The following ALX1 variants were observed in gnomAD, a reference collection of about 807,000 sequenced individuals.
The protein encoded by ALX1 is ALX homeobox protein 1.
Under a neutral mutation model 31.7 loss-of-function variants are expected in ALX1, and 19 were observed. That is an observed-to-expected ratio of 0.60 (90% CI 0.42 to 0.88). The LOEUF (loss-of-function observed/expected upper bound fraction) is 0.88, where lower values mean the gene tolerates loss of function less well. Among genes scored for constraint, ALX1 ranks in the 40% least tolerant of loss-of-function variants. ALX1 has a pLI of 0.00. For missense variants in ALX1, 415 were observed against 407.8 expected (o/e 1.02, Z -0.15); for synonymous variants, 153 against 148.8 (o/e 1.03, Z -0.20).
chr12:85,289,666 G>A (rs1405869949), intron 3 of ALX1, among the ~76,000 whole-genome samples: 2 of 151,140 alleles, frequency 1.3e-5, no homozygotes, highest in Non-Finnish European at 1.5e-5. Context: ...GTACTTTCTT[G>A]TATTGGTAAA....
At chr12:85,284,001 A>G (rs1896715467) in intron 2 of ALX1, 125 bp downstream of exon 2, 2 of 1,015,390 alleles carry the variant, frequency 2.0e-6, no homozygotes, top group Non-Finnish European at 2.9e-6. Flanking sequence ...GAAACGGAGT[A>G]ATATATATGA....
intron 3 of ALX1, among the ~76,000 whole-genome samples, chr12:85,298,623 A>G (rs1165510924): frequency 6.6e-6 from 1 of 151,750 alleles, no homozygotes; most frequent in Non-Finnish European, 1.5e-5. Context: ...TTTGAAAACA[A>G]GATAGATCAG....
chr12:85,298,836 G>A (rs1896922669), intron 3 of ALX1, among the ~76,000 whole-genome samples: 1 of 151,640 alleles, frequency 6.6e-6, no homozygotes. Flanking sequence ...CAGATAAGAA[G>A]TTTTGATCAA....
intron 3 of ALX1, among the ~76,000 whole-genome samples, chr12:85,289,705 C>T (rs548603413): frequency 3.8e-4 from 57 of 151,114 alleles, no homozygotes; most frequent in Non-Finnish European, 5.5e-4. Flanking sequence ...CCAAAATTTC[C>T]GAAATTATGT....
At position 85,280,431 on chromosome 12, in the gene ALX1, C is replaced by T. The variant is rs1447780227; in HGVS notation, c.170C>T (p.Pro57Leu). 3 of 1,612,470 alleles carry T rather than the reference C, an allele frequency of 1.9e-6. No individual in the cohort carries two copies. Among genetic ancestry groups the T allele is most frequent in the South Asian group, 1.1e-5 (1 of 91,026 alleles). Residue 57 changes from proline to leucine, a missense_variant, in exon 1 of 4, where the codon CCC becomes CTC. Pro to Leu is a moderately conservative substitution (Grantham distance 98). This residue lies in a region of ALX1 where 235 missense variants were observed against 208.9 expected (regional missense o/e 1.13). Transcript: ENST00000316824. ...GKCVQAFGPLPRAEHHVRLER... is the reference protein window; with the variant it reads ...GKCVQAFGPLLRAEHHVRLER... ...TGCGTGCAGGCCTTCGGACCCCTGC[C>T]CCGCGCCGAGCATCACGTGCGCTTG... is the stretch of plus-strand genomic sequence containing the variant.
Position 85,283,877 on chromosome 12 carries a change from G to A in ALX1, c.531+1G>A, listed in dbSNP as rs587776684. The A allele has an allele frequency of 6.2e-7, 1 of 1,613,680 alleles. No individual in the cohort carries two copies. The highest frequency in any genetic ancestry group is 8.5e-7 in the Non-Finnish European group (1 of 1,179,952). On this transcript the variant is annotated splice_donor_variant, in intron 2 of 3. Transcript: ENST00000316824. LOFTEE classifies it high-confidence loss of function. ...AGAGCTCACTGAGGCCAGGGTCCAGGTAGGAGCCAAAAAGAGGCCTTGATG... is the reference window on the plus strand; with the variant it reads ...AGAGCTCACTGAGGCCAGGGTCCAGATAGGAGCCAAAAAGAGGCCTTGATG...
chr12:85,289,248 A>G (rs1421951878), intron 3 of ALX1, among the ~76,000 whole-genome samples: 1 of 151,244 alleles, frequency 6.6e-6, no homozygotes. Flanking sequence ...AATAGTGCAT[A>G]TTCTGAATCT....
At chr12:85,280,529 C>T in intron 1 of ALX1, 42 bp downstream of exon 1, 1 of 1,593,822 alleles carries the variant, frequency 6.3e-7, no homozygotes, top group Non-Finnish European at 8.6e-7. Flanking sequence ...GCAGCCCTTC[C>T]GCAATCGAAA....
chr12:85,294,059 T>C (rs1166376180), intron 3 of ALX1, among the ~76,000 whole-genome samples: 1 of 151,220 alleles, frequency 6.6e-6, no homozygotes, highest in East Asian at 1.9e-4. Context: ...GTAAAATCAA[T>C]AGCTTCACTT....
At chr12:85,300,627 A>G (rs1896951319) in intron 3 of ALX1, among the ~76,000 whole-genome samples, 1 of 152,080 alleles carries the variant, frequency 6.6e-6, no homozygotes, top group Non-Finnish European at 1.5e-5. Flanking sequence ...ACGAAAAAGC[A>G]ATAGGAGGGC....
intron 3 of ALX1, among the ~76,000 whole-genome samples, chr12:85,297,813 C>T (rs115719659): frequency 6.6e-6 from 1 of 151,684 alleles, no homozygotes; most frequent in African/African-American, 2.4e-5. Context: ...AAATAAAGAA[C>T]TTCCCAGGTA....
At chr12:85,294,471 C>T (rs1016645997) in intron 3 of ALX1, among the ~76,000 whole-genome samples, 2 of 150,986 alleles carry the variant, frequency 1.3e-5, no homozygotes, top group African/African-American at 4.8e-5. Flanking sequence ...TTAAAGCAAT[C>T]GTGAGAGTTT....
intron 3 of ALX1, among the ~76,000 whole-genome samples, chr12:85,299,735 A>G (rs2137394907): frequency 6.6e-6 from 1 of 151,958 alleles, no homozygotes; most frequent in East Asian, 1.9e-4. Flanking sequence ...GATCTAGAAG[A>G]TTTATTAACA....
intron 3 of ALX1, among the ~76,000 whole-genome samples, chr12:85,298,727 T>C (rs1404957400): frequency 6.6e-6 from 1 of 151,798 alleles, no homozygotes; most frequent in Non-Finnish European, 1.5e-5. Flanking sequence ...AATATTGTTA[T>C]CATATTTACT....
chr12:85,286,605 G>A (rs983489790), intron 2 of ALX1, among the ~76,000 whole-genome samples: 7 of 151,904 alleles, frequency 4.6e-5, no homozygotes, highest in East Asian at 1.9e-4. Flanking sequence ...AGGCTCAGAC[G>A]TATCAGATGT....
chr12:85,281,406 C>T (rs368358947), intron 1 of ALX1, among the ~76,000 whole-genome samples: 43 of 152,182 alleles, frequency 2.8e-4, no homozygotes, highest in African/African-American at 1.0e-3. Flanking sequence ...GAGAACTTCT[C>T]CTTATCATTG....
chr12:85,282,401 A>G (rs942739112), intron 1 of ALX1, among the ~76,000 whole-genome samples: 1 of 152,114 alleles, frequency 6.6e-6, no homozygotes, highest in Non-Finnish European at 1.5e-5. Context: ...TTTGAGAGTT[A>G]CTCCGTTAGT....
At chr12:85,286,091 T>G (rs1290514095) in intron 2 of ALX1, among the ~76,000 whole-genome samples, 1 of 151,990 alleles carries the variant, frequency 6.6e-6, no homozygotes, top group Non-Finnish European at 1.5e-5. Context: ...TTATTTCCAT[T>G]ACCTGTGCTT....
intron 3 of ALX1, among the ~76,000 whole-genome samples, chr12:85,299,287 C>T (rs1428739922): frequency 6.6e-6 from 1 of 151,432 alleles, no homozygotes; most frequent in Non-Finnish European, 1.5e-5. Flanking sequence ...GGTAGTTTGA[C>T]AGAGTAATGA....
Sources: allele counts gnomAD v4.1 joint callset (sites outside exome capture counted in the v4.1 genomes callset), GRCh38; gene constraint gnomAD v4.1.1; regional missense constraint gnomAD v4.1.1; transcripts MANE v1.5; gene names NCBI Gene and HGNC (gene_info 2026-07-23, HGNC 2026-07-21).